Variants in KCNIP1 observed in about 807,000 individuals in gnomAD.
KCNIP1 encodes potassium voltage-gated channel interacting protein 1, also known as A-type potassium channel modulatory protein KCNIP1.
A neutral mutation model predicts 33.0 loss-of-function variants in KCNIP1; 18 were observed. The observed-to-expected ratio is 0.55, with a 90% CI of 0.38 to 0.81. KCNIP1 has a LOEUF of 0.81. KCNIP1 is among the 30% of genes least tolerant of loss of function. The pLI, the probability that KCNIP1 is intolerant of heterozygous loss-of-function variation, is 0.00. For synonymous variants in KCNIP1, 93 were observed against 98.3 expected (o/e 0.95, Z 0.32); for missense variants, 238 against 271.6 (o/e 0.88, Z 0.87).
intron 1 of KCNIP1, among the ~76,000 whole-genome samples, chr5:170,486,796 C>A (rs1757102580): frequency 6.6e-6 from 1 of 152,158 alleles, no homozygotes; most frequent in Admixed American, 6.5e-5. Flanking sequence ...CCCTGCCTGC[C>A]CCAGCCAGCT....
chr5:170,566,532 T>C (rs903263828), intron 1 of KCNIP1, among the ~76,000 whole-genome samples: 3 of 152,232 alleles, frequency 2.0e-5, no homozygotes, highest in African/African-American at 7.2e-5. Context: ...GATCTATCCA[T>C]TTTCAATGCC....
In KCNIP1 at chr5:170,703,980, T is replaced by C. The variant is rs778693954; in HGVS notation, c.62-14778T>C. On this transcript the variant is annotated intron_variant, in intron 1 of 7. Transcript: ENST00000328939. ...GAAAACTGTGACACCCAAAGGTAGA[T>C]TTTGATACCTGCTGGGTGATTGCTA... Among the ~76,000 whole-genome samples the C allele has an allele frequency of 2.9e-5, 4 of 138,252 alleles. 1 individual carries two copies. Among genetic ancestry groups the C allele is most frequent in the Non-Finnish European group, 6.1e-5 (4 of 65,782 alleles). 90.7% of individuals were successfully genotyped at this position (138,252 alleles called of 152,430 possible).
chr5:170,522,518 T>C (rs1471937577), intron 1 of KCNIP1, among the ~76,000 whole-genome samples: 1 of 152,244 alleles, frequency 6.6e-6, no homozygotes, highest in East Asian at 1.9e-4. Context: ...AATGGGAGTA[T>C]TCGCCTGACA....
intron 1 of KCNIP1, among the ~76,000 whole-genome samples, chr5:170,597,560 T>C (rs1758485590): frequency 6.6e-6 from 1 of 152,022 alleles, no homozygotes; most frequent in Non-Finnish European, 1.5e-5. Flanking sequence ...AATGTATTCA[T>C]GAGCCCATAA....
chr5:170,600,365 C>T (rs1003370598), intron 1 of KCNIP1, among the ~76,000 whole-genome samples: 5 of 152,206 alleles, frequency 3.3e-5, no homozygotes, highest in Admixed American at 2.0e-4. Context: ...CACAGCTGTT[C>T]CCTGTGCCTG....
At chr5:170,542,425 C>T (rs183381431) in intron 1 of KCNIP1, among the ~76,000 whole-genome samples, 4 of 152,280 alleles carry the variant, frequency 2.6e-5, no homozygotes, top group Admixed American at 2.6e-4. Flanking sequence ...ATGAGATATA[C>T]ACTTAGCAAA....
At chr5:170,600,269 A>G (rs1410852825) in intron 1 of KCNIP1, among the ~76,000 whole-genome samples, 2 of 152,158 alleles carry the variant, frequency 1.3e-5, no homozygotes, top group African/African-American at 4.8e-5. Flanking sequence ...TAAGTTTCTC[A>G]CCACCTGGAG....
intron 1 of KCNIP1, among the ~76,000 whole-genome samples, chr5:170,397,161 C>T (rs1754782160): frequency 1.3e-5 from 2 of 152,202 alleles, no homozygotes; most frequent in African/African-American, 2.4e-5. Flanking sequence ...CATCCCCTCC[C>T]CATTATGGCC....
At chr5:170,427,268 G>A (rs1755635357) in intron 1 of KCNIP1, among the ~76,000 whole-genome samples, 1 of 152,196 alleles carries the variant, frequency 6.6e-6, no homozygotes, top group Non-Finnish European at 1.5e-5. Flanking sequence ...CAGAACCCCT[G>A]CATTCCCAGC....
At chr5:170,596,759 A>G (rs1349530889) in intron 1 of KCNIP1, among the ~76,000 whole-genome samples, 3 of 151,948 alleles carry the variant, frequency 2.0e-5, no homozygotes, top group Admixed American at 6.5e-5. Flanking sequence ...AGCTGGAGCT[A>G]TGATCAGGGC....
upstream of KCNIP1, among the ~76,000 whole-genome samples, chr5:170,501,211 C>T (rs1757404038): frequency 1.3e-5 from 2 of 152,112 alleles, no homozygotes; most frequent in African/African-American, 2.4e-5. Flanking sequence ...AGGGAGGGAT[C>T]CCTGGAGGAG....
intron 1 of KCNIP1, among the ~76,000 whole-genome samples, chr5:170,620,304 C>G (rs1378597951): frequency 6.6e-6 from 1 of 152,164 alleles, no homozygotes; most frequent in African/African-American, 2.4e-5. Flanking sequence ...GGGCTTGAAC[C>G]CAGCAGCTTA....
At chr5:170,427,772 A>G (rs1755646732) in intron 1 of KCNIP1, among the ~76,000 whole-genome samples, 1 of 152,110 alleles carries the variant, frequency 6.6e-6, no homozygotes, top group African/African-American at 2.4e-5. Context: ...CTTCATCTCA[A>G]AGGAAAGTGT....
intron 1 of KCNIP1, among the ~76,000 whole-genome samples, chr5:170,611,531 A>G (rs777021244): frequency 2.6e-5 from 4 of 152,192 alleles, no homozygotes; most frequent in Non-Finnish European, 4.4e-5. Context: ...CCTTGCAAGG[A>G]GGTATCACAT....
chr5:170,643,578 C>T (rs1036630391), intron 1 of KCNIP1, among the ~76,000 whole-genome samples: 4 of 152,142 alleles, frequency 2.6e-5, no homozygotes, highest in African/African-American at 9.7e-5. Context: ...TAATAGGTGC[C>T]CAGGAAGTGA....
At chr5:170,466,680 C>T (rs925881446) in intron 1 of KCNIP1, among the ~76,000 whole-genome samples, 2 of 152,140 alleles carry the variant, frequency 1.3e-5, no homozygotes, top group African/African-American at 4.8e-5. Flanking sequence ...TGCCTTCTGG[C>T]TCATAGATGC....
At chr5:170,445,765 T>C (rs770687501) in intron 1 of KCNIP1, among the ~76,000 whole-genome samples, 1 of 152,124 alleles carries the variant, frequency 6.6e-6, no homozygotes, top group Non-Finnish European at 1.5e-5. Flanking sequence ...TCTGTAGAGA[T>C]CTCCTTGGAT....
chr5:170,402,401 A>G (rs1306349532), intron 1 of KCNIP1, among the ~76,000 whole-genome samples: 1 of 152,160 alleles, frequency 6.6e-6, no homozygotes, highest in East Asian at 1.9e-4. Context: ...TAATGGTATT[A>G]TACAATAACA....
chr5:170,618,072 C>G (rs1759456394), intron 1 of KCNIP1, among the ~76,000 whole-genome samples: 1 of 152,186 alleles, frequency 6.6e-6, no homozygotes, highest in Non-Finnish European at 1.5e-5. Context: ...TCCAACCGAC[C>G]ACTGGAGATG....
Sources: gnomAD v4.1 joint callset for allele counts (sites outside exome capture counted in the v4.1 genomes callset) on GRCh38, gnomAD v4.1.1 for gene constraint, MANE v1.5 for transcripts, NCBI Gene and HGNC (gene_info 2026-07-23, HGNC 2026-07-21) for gene names.